TAF1B: variants seen among roughly 807,000 people sequenced by gnomAD.
The protein encoded by TAF1B is TATA box-binding protein-associated factor RNA polymerase I subunit B.
A neutral mutation model predicts 83.9 loss-of-function variants in TAF1B; 61 were observed. The observed-to-expected ratio is 0.73, with a 90% CI of 0.59 to 0.90. TAF1B has a LOEUF of 0.90. Among genes scored for constraint, TAF1B ranks in the 40% least tolerant of loss-of-function variants. The pLI is 0.00. For synonymous variants in TAF1B, 221 were observed against 224.6 expected, an observed-to-expected ratio of 0.98 and a Z score of 0.14; for missense variants, 625 against 677.0, an observed-to-expected ratio of 0.92 and a Z score of 0.85.
At chr2:9,887,417 A>T (rs1664712455) in intron 8 of TAF1B, among the ~76,000 whole-genome samples, 1 of 152,148 alleles carries the variant, frequency 6.6e-6, no homozygotes, top group Admixed American at 6.5e-5. Context: ...CTGTTACTGG[A>T]GCTCTATTAC....
intron 14 of TAF1B, among the ~76,000 whole-genome samples, chr2:9,927,268 C>T (rs952112171): frequency 1.3e-5 from 2 of 152,120 alleles, no homozygotes; most frequent in African/African-American, 4.8e-5. Context: ...TCCAGTCTAT[C>T]ATTGAAGGAC....
At chr2:9,850,956 G>A (rs62129896) in intron 3 of TAF1B, among the ~76,000 whole-genome samples, 27,291 of 152,136 alleles carry the variant, frequency 0.18, 3,111 homozygotes, top group East Asian at 0.3. Context: ...AGGAAAAGCA[G>A]AATGCCATTG....
At chr2:9,931,502 T>C (rs4547511) in intron 14 of TAF1B, among the ~76,000 whole-genome samples, 77,298 of 151,708 alleles carry the variant, frequency 0.51, 22,739 homozygotes, top group Non-Finnish European at 0.68. Context: ...GTCCCCCGCT[T>C]TCTTCTGGCT....
chr2:9,875,734 A>G, intron 6 of TAF1B, 131 bp from the exon 7 acceptor site: 2 of 902,852 alleles, frequency 2.2e-6, no homozygotes, highest in Non-Finnish European at 3.2e-6. Flanking sequence ...CTACAGTTCA[A>G]GATGAGATTT....
rs889386545 is a variant in TAF1B, at chr2:9,914,641, G to A, written c.1271+1392G>A. ...GTCAGTTGCACATTTAAGACTTACC[G>A]GCTTTTAGCTACTTTAGGGAATAAT... On this transcript the variant is annotated intron_variant, in intron 12 of 14. Transcript: ENST00000263663. The surrounding 1 kb of genome is among the most constrained non-coding windows in gnomAD (Gnocchi z 4.3). 6.6e-6 allele frequency among the ~76,000 whole-genome samples: 1 copy of A among 152,132 alleles called. No homozygotes were observed. The highest frequency in any genetic ancestry group is 2.4e-5 in the African/African-American group (1 of 41,436).
intron 5 of TAF1B, among the ~76,000 whole-genome samples, chr2:9,865,896 A>G (rs1334144585): frequency 1.3e-5 from 2 of 151,312 alleles, no homozygotes; most frequent in Non-Finnish European, 3.0e-5. Flanking sequence ...TAGAAAGCTG[A>G]AACTGGATCC....
At chr2:9,881,909 A>T (rs76858573) in intron 7 of TAF1B, among the ~76,000 whole-genome samples, 2,557 of 152,274 alleles carry the variant, frequency 0.017, 69 homozygotes, top group African/African-American at 0.058. Context: ...AACATCTAAC[A>T]TGTACCATTA....
chr2:9,929,928 C>T (rs907760489), intron 14 of TAF1B, among the ~76,000 whole-genome samples: 1 of 152,110 alleles, frequency 6.6e-6, no homozygotes, highest in African/African-American at 2.4e-5. Context: ...GTGTACATGT[C>T]CAGGAATTTA....
At chr2:9,894,510 A>G (rs1009345822) in intron 8 of TAF1B, among the ~76,000 whole-genome samples, 1 of 152,220 alleles carries the variant, frequency 6.6e-6, no homozygotes, top group African/African-American at 2.4e-5. Context: ...AAAAGTTAGC[A>G]GTTCATATTC....
At chr2:9,873,212 G>A (rs1001549700) in intron 6 of TAF1B, among the ~76,000 whole-genome samples, 1 of 152,126 alleles carries the variant, frequency 6.6e-6, no homozygotes, top group African/African-American at 2.4e-5. Flanking sequence ...AAGACTGTCC[G>A]CCTTCAGGGT....
At chr2:9,908,028 CTTTTTTTTTTT>C (rs57261740) in intron 9 of TAF1B, among the ~76,000 whole-genome samples, 25 of 71,760 alleles carry the variant, frequency 3.5e-4, no homozygotes, top group African/African-American at 1.3e-3. Flanking sequence ...GATCTTAATT[CTTTTTTTTTTT>C]TTTTTTTTTT....
intron 7 of TAF1B, among the ~76,000 whole-genome samples, chr2:9,876,410 G>A (rs1475259676): frequency 6.6e-6 from 1 of 152,218 alleles, no homozygotes; most frequent in East Asian, 1.9e-4. Context: ...ATATATTGGT[G>A]TTAAGAGCTA....
Position 9,913,148 on chromosome 2 carries a change from A to G in TAF1B, c.1181-11A>G. The stretch of plus-strand genomic sequence containing the variant: ...TATTTGGTTAATAATCTTGGATTTT[A>G]TTTCTTTCAGATAAGCCATGGTTTG... On this transcript the variant is annotated splice_polypyrimidine_tract_variant and intron_variant, in intron 11 of 14. Coordinates refer to ENST00000263663, the MANE Select transcript of TAF1B (RefSeq NM_005680.3). The G allele has an allele frequency of 6.3e-7, 1 of 1,589,484 alleles. No individual in the cohort carries two copies. The highest frequency in any genetic ancestry group is 8.6e-7 in the Non-Finnish European group (1 of 1,169,118).
chr2:9,861,143 G>T (rs1663740464), intron 5 of TAF1B, among the ~76,000 whole-genome samples: 2 of 152,258 alleles, frequency 1.3e-5, no homozygotes, highest in Non-Finnish European at 2.9e-5. Context: ...CCGAAGCAGG[G>T]CGAGGCATCG....
At chr2:9,908,737 A>G (rs971723379) in intron 9 of TAF1B, among the ~76,000 whole-genome samples, 1 of 152,204 alleles carries the variant, frequency 6.6e-6, no homozygotes, top group Non-Finnish European at 1.5e-5. Context: ...TAATAGTATA[A>G]TAGTCCAAAT....
At chr2:9,896,602 G>A (rs1192771748) in intron 8 of TAF1B, among the ~76,000 whole-genome samples, 2 of 113,216 alleles carry the variant, frequency 1.8e-5, no homozygotes, top group Non-Finnish European at 3.4e-5. Flanking sequence ...CCAGAAAGTT[G>A]AGAGCACATC....
At position 9,882,029 on chromosome 2, in the gene TAF1B, A is replaced by C. The variant is rs185267194; in HGVS notation, c.708-677A>C. Among the ~76,000 whole-genome samples the C allele has an allele frequency of 1.4e-4, 21 of 152,098 alleles. No individual in the cohort carries two copies. The East Asian group carries it at 3.9e-3, about 28-fold the overall frequency. ...TTTATGAGTAGGAGCCTATCATGCG[A>C]GGGGAGCTAGGGATACAGGGAATGC... On this transcript the variant is annotated intron_variant, in intron 7 of 14. Transcript: ENST00000263663.
chr2:9,859,416 TTGC>T (rs1296149126), intron 5 of TAF1B, among the ~76,000 whole-genome samples: 2 of 148,600 alleles, frequency 1.3e-5, no homozygotes, highest in African/African-American at 2.5e-5. Context: ...AGATAGAGTG[TTGC>T]TTTGTTGCGC....
chr2:9,919,094 T>C lies in TAF1B; in HGVS notation c.1325T>C (p.Val442Ala). The C allele has an allele frequency of 6.2e-7, 1 of 1,614,060 alleles. No homozygotes were observed. Among genetic ancestry groups the C allele is most frequent in the Non-Finnish European group, 8.5e-7 (1 of 1,179,988 alleles). Reference protein sequence around the residue: ...PLYYSFVDKPVAYKKREMVVN... With the variant: ...PLYYSFVDKPAAYKKREMVVN... ...TACTACTCATTTGTCGACAAACCAG[T>C]AGCATATAAAAAAAGAGGTAAGTCA... The change falls in exon 13 of 15, where the codon GTA (valine) becomes GCA (alanine). Residue 442 changes from valine (V) to alanine (A), a missense_variant. Transcript: ENST00000263663.
Sources: gnomAD v4.1 joint callset for allele counts (sites outside exome capture counted in the v4.1 genomes callset) on GRCh38, gnomAD v4.1.1 for gene constraint, Gnocchi (gnomAD v3.1) non-coding constraint, MANE v1.5 for transcripts, NCBI Gene and HGNC (gene_info 2026-07-23, HGNC 2026-07-21) for gene names.